MKLN1: variants seen among roughly 807,000 people sequenced by gnomAD.
MKLN1 encodes the protein muskelin 1, also known as muskelin.
MKLN1 carries 18 observed loss-of-function variants against 99.0 expected under a neutral mutation model. That is an observed-to-expected ratio of 0.18 (90% CI 0.13 to 0.27). MKLN1 has a LOEUF of 0.27. Among genes scored for constraint, MKLN1 ranks in the 10% least tolerant of loss-of-function variants. The probability of loss-of-function intolerance (pLI) is 1.00; values close to 1 mark genes in which losing one functional copy is unlikely to be tolerated. For synonymous variants in MKLN1, 288 were observed against 293.2 expected, an observed-to-expected ratio of 0.98 and a Z score of 0.18; for missense variants, 621 against 875.9, an observed-to-expected ratio of 0.71 and a Z score of 3.67.
chr7:131,231,052 C>G, intron 3 of MKLN1, among the ~76,000 whole-genome samples: 1 of 125,724 alleles, frequency 8.0e-6, no homozygotes, highest in East Asian at 2.8e-4. Context: ...CCTGGGAGGC[C>G]GAGGTTGCAG....
chr7:131,192,100 ATATATATATTATATATATACG>A (rs1563247142), intron 2 of MKLN1, among the ~76,000 whole-genome samples: 3 of 98,022 alleles, frequency 3.1e-5, no homozygotes, highest in African/African-American at 1.2e-4. Context: ...ATATATATGT[ATATATATATTATATATATACG>A]TATATATATA....
intron 6 of MKLN1, among the ~76,000 whole-genome samples, chr7:131,410,041 A>G (rs1484735308): frequency 6.6e-6 from 1 of 152,116 alleles, no homozygotes; most frequent in African/African-American, 2.4e-5. Flanking sequence ...AAGATTCCTC[A>G]TGTTTCATTA....
intron 1 of MKLN1, among the ~76,000 whole-genome samples, chr7:131,337,066 C>G (rs1043836816): frequency 5.9e-5 from 9 of 152,136 alleles, no homozygotes; most frequent in Non-Finnish European, 1.2e-4. Context: ...TCCATTGTTT[C>G]TGTTGCAAAA....
At chr7:131,351,844 G>A (rs1319890680) in intron 1 of MKLN1, among the ~76,000 whole-genome samples, 3 of 152,162 alleles carry the variant, frequency 2.0e-5, no homozygotes, top group Admixed American at 6.6e-5. Flanking sequence ...TTCATTAATA[G>A]TGTTAATATC....
chr7:131,399,159 GTTA>G (rs1443436641), intron 5 of MKLN1, 79 bp from the exon 6 acceptor site: 2 of 1,209,586 alleles, frequency 1.7e-6, no homozygotes, highest in African/African-American at 3.1e-5. Flanking sequence ...GTGTAGATTA[GTTA>G]TTTTTACTGT....
chr7:131,460,150 C>T (rs1374893656), intron 12 of MKLN1, among the ~76,000 whole-genome samples: 1 of 152,118 alleles, frequency 6.6e-6, no homozygotes, highest in Non-Finnish European at 1.5e-5. Context: ...TCTTTAATCT[C>T]CTCAAGGATA....
At chr7:131,175,242 G>A (rs370419456) in intron 2 of MKLN1, among the ~76,000 whole-genome samples, 1 of 56,858 alleles carries the variant, frequency 1.8e-5, no homozygotes, top group Non-Finnish European at 3.2e-5. Flanking sequence ...TAGAATGGAT[G>A]GATGGATAGA....
At chr7:131,217,653 G>A (rs537527234) in intron 3 of MKLN1, among the ~76,000 whole-genome samples, 2 of 152,338 alleles carry the variant, frequency 1.3e-5, no homozygotes, top group South Asian at 4.1e-4. Flanking sequence ...AGCCGAGATC[G>A]TGCCATGGCA....
At chr7:131,413,265 G>A (rs1221867879) in intron 7 of MKLN1, among the ~76,000 whole-genome samples, 1 of 152,118 alleles carries the variant, frequency 6.6e-6, no homozygotes, top group Non-Finnish European at 1.5e-5. Flanking sequence ...ATGATTAGCC[G>A]CTGAATACAG....
intron 3 of MKLN1, among the ~76,000 whole-genome samples, chr7:131,209,051 G>A (rs1665597918): frequency 6.6e-6 from 1 of 152,180 alleles, no homozygotes; most frequent in Non-Finnish European, 1.5e-5. Context: ...GAAAAGATCA[G>A]AATGAAGAGC....
chr7:131,483,221 C>G (rs935207738), intron 17 of MKLN1, among the ~76,000 whole-genome samples: 1 of 152,118 alleles, frequency 6.6e-6, no homozygotes, highest in Admixed American at 6.5e-5. Flanking sequence ...TGATGAGTTT[C>G]CTAGATCCCC....
chr7:131,279,846 G>GT (rs943989549), intron 3 of MKLN1, among the ~76,000 whole-genome samples: 20 of 151,848 alleles, frequency 1.3e-4, no homozygotes, highest in Non-Finnish European at 8.8e-5. Flanking sequence ...TAGTTCAATG[G>GT]TTTTTTTACT....
chr7:131,307,843 T>C (rs1406062008), intron 3 of MKLN1, among the ~76,000 whole-genome samples: 1 of 152,210 alleles, frequency 6.6e-6, no homozygotes, highest in Non-Finnish European at 1.5e-5. Context: ...AATGCTGGAA[T>C]AGGACTTTCG....
chr7:131,245,354 G>T (rs959799129), intron 3 of MKLN1, among the ~76,000 whole-genome samples: 3 of 145,968 alleles, frequency 2.1e-5, no homozygotes, highest in Non-Finnish European at 4.4e-5. Context: ...TGCAACCTCT[G>T]TCTCCTAGGT....
intron 2 of MKLN1, among the ~76,000 whole-genome samples, chr7:131,198,358 T>G (rs1051619644): frequency 2.0e-5 from 3 of 152,212 alleles, no homozygotes; most frequent in African/African-American, 7.2e-5. Flanking sequence ...CCTGAGGCTG[T>G]GTCATGGAAA....
At chr7:131,221,548 A>C (rs1584846016) in intron 3 of MKLN1, among the ~76,000 whole-genome samples, 1 of 134,100 alleles carries the variant, frequency 7.5e-6, no homozygotes, top group Admixed American at 8.2e-5. Flanking sequence ...TGGCTCCATC[A>C]CCCACGCTGG....
chr7:131,295,851 C>T (rs1798282932), intron 3 of MKLN1, among the ~76,000 whole-genome samples: 2 of 148,608 alleles, frequency 1.3e-5, no homozygotes, highest in Admixed American at 6.8e-5. Context: ...CACTACTGCA[C>T]TCCAGCCTGG....
At chr7:131,315,521 G>T (rs1227152861) in intron 3 of MKLN1, among the ~76,000 whole-genome samples, 1 of 152,168 alleles carries the variant, frequency 6.6e-6, no homozygotes, top group Non-Finnish European at 1.5e-5. Flanking sequence ...TCATACCCCA[G>T]TGGCGCCTGG....
At chr7:131,216,244 A>G (rs1331082108) in intron 3 of MKLN1, among the ~76,000 whole-genome samples, 1 of 152,032 alleles carries the variant, frequency 6.6e-6, no homozygotes, top group Non-Finnish European at 1.5e-5. Context: ...TACTAAAAAT[A>G]CAAAAAACTG....
Sources: allele counts gnomAD v4.1 joint callset (sites outside exome capture counted in the v4.1 genomes callset), GRCh38; gene constraint gnomAD v4.1.1; transcripts MANE v1.5; gene names NCBI Gene and HGNC (gene_info 2026-07-23, HGNC 2026-07-21).